Variants in NEK1 observed in about 807,000 individuals in gnomAD.
NEK1 encodes the protein serine/threonine-protein kinase Nek1.
In NEK1, 137 loss-of-function variants were observed where a neutral mutation model predicts 182.1. The ratio of observed to expected loss-of-function variants is 0.75; its 90% CI spans 0.65 to 0.87. NEK1 has a LOEUF of 0.87. Ranked by LOEUF, NEK1 falls within the 40% of genes least tolerant of loss-of-function variation. The pLI, the probability that NEK1 is intolerant of heterozygous loss-of-function variation, is 0.00. For synonymous variants in NEK1, 513 were observed against 492.2 expected (o/e 1.04, Z -0.56); for missense variants, 1,391 against 1,494.4 (o/e 0.93, Z 1.14).
At chr4:169,508,497 A>G (rs1408020330) in intron 20 of NEK1, among the ~76,000 whole-genome samples, 166 bp from the exon 21 acceptor site, 2 of 152,228 alleles carry the variant, frequency 1.3e-5, no homozygotes, top group Non-Finnish European at 2.9e-5. Context: ...CAAGTGTTTA[A>G]TTAAGAACAA....
intron 4 of NEK1, among the ~76,000 whole-genome samples, 198 bp downstream of exon 4, chr4:169,601,810 T>C (rs1770535675): frequency 6.6e-6 from 1 of 151,160 alleles, no homozygotes; most frequent in Admixed American, 6.6e-5. Flanking sequence ...CACTCCAGCC[T>C]GGGCCACTGA....
intron 11 of NEK1, 30 bp from the exon 12 acceptor site, chr4:169,577,109 T>G (rs1429962765): frequency 1.2e-6 from 2 of 1,610,214 alleles, no homozygotes; most frequent in African/African-American, 2.7e-5. Flanking sequence ...GAATTTTGTC[T>G]GCAGTTCTTT....
intron 26 of NEK1, among the ~76,000 whole-genome samples, chr4:169,475,727 T>C (rs1020613771): frequency 3.3e-5 from 5 of 151,938 alleles, no homozygotes; most frequent in Admixed American, 3.3e-4. Context: ...TTCCATATGA[T>C]CAAAAAAGTT....
intron 12 of NEK1, among the ~76,000 whole-genome samples, chr4:169,575,507 T>C (rs967406526): frequency 1.3e-5 from 2 of 152,162 alleles, no homozygotes; most frequent in African/African-American, 4.8e-5. Flanking sequence ...CCAGCTTCCC[T>C]GTGAGTTTCA....
chr4:169,435,461 G>A (rs1579590349), intron 28 of NEK1, among the ~76,000 whole-genome samples: 2 of 152,250 alleles, frequency 1.3e-5, no homozygotes, highest in East Asian at 3.9e-4. Context: ...GATTATTTAA[G>A]TTACTGTGGT....
At chr4:169,545,186 A>C in intron 18 of NEK1, among the ~76,000 whole-genome samples, 1 of 140,446 alleles carries the variant, frequency 7.1e-6, no homozygotes, top group South Asian at 2.5e-4. Flanking sequence ...TATATCTCCC[A>C]ATGCTATCCC....
intron 10 of NEK1, among the ~76,000 whole-genome samples, chr4:169,581,140 G>A (rs745910810): frequency 7.9e-5 from 12 of 151,126 alleles, no homozygotes; most frequent in Non-Finnish European, 1.5e-4. Flanking sequence ...TGAGCAAGGA[G>A]TTAGAGTTCA....
At chr4:169,489,512 G>A (rs1749670457) in intron 23 of NEK1, among the ~76,000 whole-genome samples, 1 of 152,152 alleles carries the variant, frequency 6.6e-6, no homozygotes, top group Admixed American at 6.5e-5. Context: ...ACAGAAGGGT[G>A]GAGTCATTGT....
At chr4:169,542,141 G>C (rs1759541426) in intron 18 of NEK1, among the ~76,000 whole-genome samples, 1 of 152,076 alleles carries the variant, frequency 6.6e-6, no homozygotes. Flanking sequence ...ATCTACATTA[G>C]GTGTTTCTCC....
chr4:169,495,919 G>GT (rs1423355285), intron 23 of NEK1, among the ~76,000 whole-genome samples: 1 of 152,134 alleles, frequency 6.6e-6, no homozygotes, highest in African/African-American at 2.4e-5. Flanking sequence ...CTTTAAAGTA[G>GT]TTTTTTCCAA....
At chr4:169,532,039 G>A (rs1204408318) in intron 19 of NEK1, among the ~76,000 whole-genome samples, 1 of 152,100 alleles carries the variant, frequency 6.6e-6, no homozygotes, top group Non-Finnish European at 1.5e-5. Flanking sequence ...ATTCTAGAGA[G>A]GACAAAACTA....
At chr4:169,494,091 GATTT>G (rs1186192528) in intron 23 of NEK1, among the ~76,000 whole-genome samples, 3 of 150,060 alleles carry the variant, frequency 2.0e-5, no homozygotes, top group Non-Finnish European at 4.4e-5. Flanking sequence ...ACTCACAACG[GATTT>G]CTTTCTTTTT....
At chr4:169,413,819 T>C (rs1484169213) in intron 31 of NEK1, among the ~76,000 whole-genome samples, 3 of 152,146 alleles carry the variant, frequency 2.0e-5, no homozygotes, top group Non-Finnish European at 4.4e-5. Context: ...GAGTTCAAGA[T>C]GAGCCTGGGC....
intron 4 of NEK1, 53 bp downstream of exon 4, chr4:169,601,955 A>C (rs1366943687): frequency 3.9e-6 from 5 of 1,296,236 alleles, no homozygotes; most frequent in Non-Finnish European, 5.5e-6. Flanking sequence ...CATTCACAAA[A>C]AGATTTATTA....
chr4:169,426,329 T>C, intron 29 of NEK1, 95 bp from the exon 30 acceptor site: 4 of 910,460 alleles, frequency 4.4e-6, no homozygotes, highest in African/African-American at 1.6e-5. Context: ...ACAAGTTCAC[T>C]AGCATTCTTT....
intron 32 of NEK1, among the ~76,000 whole-genome samples, chr4:169,405,712 C>T (rs1732473889): frequency 2.0e-5 from 3 of 151,714 alleles, no homozygotes; most frequent in Admixed American, 2.0e-4. Context: ...TGGCTCACTG[C>T]TGCCTCAAAC....
At chr4:169,403,153 A>G (rs1207537949) in intron 32 of NEK1, among the ~76,000 whole-genome samples, 1 of 152,228 alleles carries the variant, frequency 6.6e-6, no homozygotes, top group Non-Finnish European at 1.5e-5. Flanking sequence ...TTATATGTAC[A>G]AACGCCTACA....
chr4:169,503,574 T>C (rs937599605), intron 23 of NEK1, among the ~76,000 whole-genome samples: 19 of 151,948 alleles, frequency 1.3e-4, no homozygotes, highest in African/African-American at 4.3e-4. Context: ...CATACATCTA[T>C]AGTGAATTCA....
Position 169,439,116 on chromosome 4 carries a change from T to C in NEK1, c.2588-857A>G, listed in dbSNP as rs116387948. ...GAAATTCCATAATATAGTCATTCTC[T>C]TGTGCATCCTCAACTTATTGTATTC... On this transcript the variant is annotated intron_variant, in intron 27 of 35. Transcript: ENST00000507142. Among the ~76,000 whole-genome samples, 1,071 of 152,302 alleles carry C rather than the reference T, an allele frequency of 7.0e-3. 11 individuals are homozygous for C. Among genetic ancestry groups the C allele is most frequent in the African/African-American group, 0.025 (1,031 of 41,556 alleles).
Sources: allele counts gnomAD v4.1 joint callset (sites outside exome capture counted in the v4.1 genomes callset), GRCh38; gene constraint gnomAD v4.1.1; transcripts MANE v1.5; gene names NCBI Gene and HGNC (gene_info 2026-07-23, HGNC 2026-07-21).